SVEP1: variants seen among roughly 807,000 people sequenced by gnomAD.
SVEP1 encodes the protein sushi, von Willebrand factor type A, EGF and pentraxin domain-containing protein 1.
Under a neutral mutation model 367.3 loss-of-function variants are expected in SVEP1, and 164 were observed. That is an observed-to-expected ratio of 0.45 (90% CI 0.39 to 0.51). The LOEUF (loss-of-function observed/expected upper bound fraction) is 0.51, where lower values mean the gene tolerates loss of function less well. Among genes scored for constraint, SVEP1 ranks in the 20% least tolerant of loss-of-function variants. SVEP1 has a pLI of 0.00. For synonymous variants in SVEP1, 1,666 were observed against 1,611.6 expected, an observed-to-expected ratio of 1.03 and a Z score of -0.81; for missense variants, 4,117 against 4,425.3, an observed-to-expected ratio of 0.93 and a Z score of 1.98.
At chr9:110,495,076 G>C (rs779320728) in intron 8 of SVEP1, among the ~76,000 whole-genome samples, 5 of 152,002 alleles carry the variant, frequency 3.3e-5, no homozygotes, top group African/African-American at 1.2e-4. Context: ...CTTTAGTTAC[G>C]CTTCAGGTTT....
rs571851784 is a variant in SVEP1, at chr9:110,470,205, A to G, written c.2999-1104T>C. On this transcript the variant is annotated intron_variant, in intron 16 of 47. Transcript: ENST00000374469. Reference sequence around the variant, plus strand: ...GTTAAGGGGTTTGGAGTGGGGAGGGAGAATAGGGAGTGACTTTAATGGGCA... The same window carrying G: ...GTTAAGGGGTTTGGAGTGGGGAGGGGGAATAGGGAGTGACTTTAATGGGCA... 7.2e-5 allele frequency among the ~76,000 whole-genome samples: 11 copies of G among 152,054 alleles called. No homozygotes were observed. In the South Asian group the frequency reaches 2.3e-3, roughly 32 times the overall value.
At chr9:110,458,140 T>C (rs1277309980) in intron 20 of SVEP1, 1 of 530,232 alleles carries the variant, frequency 1.9e-6, no homozygotes, top group Admixed American at 2.2e-5. Flanking sequence ...GAAAAGGCCT[T>C]TCCTTAAACC....
chr9:110,522,177 T>C (rs1229560219), intron 3 of SVEP1, among the ~76,000 whole-genome samples: 5 of 152,174 alleles, frequency 3.3e-5, no homozygotes, highest in African/African-American at 7.2e-5. Flanking sequence ...TGAACTTCAG[T>C]TGCAACAGGG....
Position 110,366,453 on chromosome 9 carries a change from C to A in SVEP1, c.*86G>T. ...AAACAAGACCCAGCACCATGTTGGA[C>A]TTTCTTTGCATAAGTTCCAGGATGC... On this transcript the variant is annotated 3_prime_UTR_variant, in exon 48 of 48. Transcript: ENST00000374469. The A allele has an allele frequency of 7.2e-7, 1 of 1,383,722 alleles. No individual in the cohort carries two copies. 85.7% of individuals were successfully genotyped at this position (1,383,722 alleles called of 1,614,324 possible).
intron 5 of SVEP1, among the ~76,000 whole-genome samples, chr9:110,510,051 G>C (rs193126544): frequency 6.6e-6 from 1 of 152,322 alleles, no homozygotes; most frequent in African/African-American, 2.4e-5. Context: ...ATCAGAGTCA[G>C]TGATAGAAAA....
intron 1 of SVEP1, among the ~76,000 whole-genome samples, chr9:110,575,422 A>G (rs1830615423): frequency 6.6e-6 from 1 of 152,148 alleles, no homozygotes; most frequent in Non-Finnish European, 1.5e-5. Context: ...TTCTTCCTGG[A>G]TGGAGTAGAC....
chr9:110,436,645 G>A, intron 27 of SVEP1, 141 bp from the exon 28 acceptor site: 1 of 1,229,138 alleles, frequency 8.1e-7, no homozygotes, highest in Non-Finnish European at 1.1e-6. Context: ...TAAATTTACT[G>A]CAGGTTTTAT....
chr9:110,404,610 T>C, intron 38 of SVEP1, 58 bp from the exon 39 acceptor site: 1 of 1,505,418 alleles, frequency 6.6e-7, no homozygotes, highest in South Asian at 1.1e-5. Flanking sequence ...GTTTCTGATC[T>C]ATCCTTGGAT....
chr9:110,411,812 T>TA (rs1361008584), intron 36 of SVEP1, 77 bp from the exon 37 acceptor site: 2 of 1,312,520 alleles, frequency 1.5e-6, no homozygotes, highest in African/African-American at 1.5e-5. Context: ...TTCTATTTTT[T>TA]AAATCTTTCC....
At chr9:110,533,143 C>G (rs1160165945) in intron 3 of SVEP1, among the ~76,000 whole-genome samples, 2 of 152,088 alleles carry the variant, frequency 1.3e-5, no homozygotes, top group East Asian at 3.9e-4. Flanking sequence ...GCTCACCTGC[C>G]GCTCACCTCC....
chr9:110,576,463 G>A (rs1194721823), intron 1 of SVEP1, among the ~76,000 whole-genome samples: 2 of 151,926 alleles, frequency 1.3e-5, no homozygotes, highest in Non-Finnish European at 1.5e-5. Context: ...CTAGACAACT[G>A]AATAAAGTCA....
At chr9:110,391,162 T>A (rs1012388850) in intron 40 of SVEP1, among the ~76,000 whole-genome samples, 2 of 152,214 alleles carry the variant, frequency 1.3e-5, no homozygotes, top group East Asian at 3.8e-4. Flanking sequence ...TAAATAATTC[T>A]GTTGAATCAG....
chr9:110,431,817 T>G, intron 32 of SVEP1, 98 bp downstream of exon 32: 1 of 1,494,730 alleles, frequency 6.7e-7, no homozygotes. Flanking sequence ...CCTTTGAAGT[T>G]GAAACAATTA....
At chr9:110,404,998 C>T (rs1827933398) in intron 38 of SVEP1, among the ~76,000 whole-genome samples, 3 of 152,146 alleles carry the variant, frequency 2.0e-5, no homozygotes, top group Admixed American at 2.0e-4. Flanking sequence ...TGCACTCCAG[C>T]CTGGGTGACA....
chr9:110,577,923 T>C (rs911551490), intron 1 of SVEP1, among the ~76,000 whole-genome samples: 5 of 152,264 alleles, frequency 3.3e-5, no homozygotes, highest in African/African-American at 4.8e-5. Flanking sequence ...ACCTCTTAAA[T>C]TGACAAAGAT....
intron 2 of SVEP1, among the ~76,000 whole-genome samples, chr9:110,548,858 C>T (rs938075633): frequency 6.6e-5 from 10 of 152,126 alleles, no homozygotes; most frequent in Admixed American, 2.6e-4. Flanking sequence ...CATGGTGGCT[C>T]ATGTCTGTAA....
intron 40 of SVEP1, 116 bp from the exon 41 acceptor site, chr9:110,389,703 T>C (rs761828512): frequency 2.1e-5 from 22 of 1,053,216 alleles, no homozygotes; most frequent in Non-Finnish European, 2.9e-5. Flanking sequence ...GAATGCTAAA[T>C]AAACATGTTA....
chr9:110,566,215 T>C (rs1385794421), intron 1 of SVEP1, among the ~76,000 whole-genome samples: 1 of 151,582 alleles, frequency 6.6e-6, no homozygotes, highest in Non-Finnish European at 1.5e-5. Flanking sequence ...CCAGCTATTC[T>C]GGAGGCTGAT....
intron 33 of SVEP1, 127 bp from the exon 34 acceptor site, chr9:110,430,131 T>C: frequency 8.9e-7 from 1 of 1,129,858 alleles, no homozygotes. Flanking sequence ...TTGGTGTGTG[T>C]GTGTGGGGTC....
Sources: allele counts gnomAD v4.1 joint callset (sites outside exome capture counted in the v4.1 genomes callset), GRCh38; gene constraint gnomAD v4.1.1; transcripts MANE v1.5; gene names NCBI Gene and HGNC (gene_info 2026-07-23, HGNC 2026-07-21).